Variants in PKN2 observed in about 807,000 individuals in gnomAD.
PKN2 encodes serine/threonine-protein kinase N2.
In PKN2, 38 loss-of-function variants were observed where a neutral mutation model predicts 119.1. That is an observed-to-expected ratio of 0.32 (90% confidence interval 0.25 to 0.42). The LOEUF is 0.42. Ranked by LOEUF, PKN2 falls within the 10% of genes least tolerant of loss-of-function variation. The pLI, the probability that PKN2 is intolerant of heterozygous loss-of-function variation, is 1.00. For synonymous variants in PKN2, 390 were observed against 384.9 expected, an observed-to-expected ratio of 1.01 and a Z score of -0.15; for missense variants, 850 against 1,165.1, an observed-to-expected ratio of 0.73 and a Z score of 3.94.
chr1:88,798,622 C>A (rs1226373443), intron 8 of PKN2, among the ~76,000 whole-genome samples: 1 of 151,788 alleles, frequency 6.6e-6, no homozygotes, highest in African/African-American at 2.4e-5. Flanking sequence ...GCCCAGAATA[C>A]AACACAAAAA....
chr1:88,835,411 G>A lies in PKN2; in HGVS notation c.*1963G>A, dbSNP rs975022025. The A allele has an allele frequency of 6.6e-6, 1 of 152,162 alleles. No individual in the cohort carries two copies. Among genetic ancestry groups the A allele is most frequent in the Admixed American group, 6.6e-5 (1 of 15,218 alleles). 9.4% of individuals were successfully genotyped at this position (152,162 alleles called of 1,614,324 possible). On this transcript the variant is annotated 3_prime_UTR_variant, in exon 22 of 22. Transcript: ENST00000370521. Reference sequence around the variant, plus strand: ...GCAAAGAAAGTAATGTCTAAAATAGGCTCTTAGCATTAAAAACTGACAGCA... The same window carrying A: ...GCAAAGAAAGTAATGTCTAAAATAGACTCTTAGCATTAAAAACTGACAGCA...
intron 6 of PKN2, among the ~76,000 whole-genome samples, chr1:88,783,252 A>G (rs1025226432): frequency 2.6e-5 from 4 of 152,210 alleles, no homozygotes; most frequent in Non-Finnish European, 4.4e-5. Flanking sequence ...AGTTCTTTCT[A>G]TGAACAGCTT....
intron 8 of PKN2, among the ~76,000 whole-genome samples, chr1:88,788,270 CAG>C (rs1266980717): frequency 6.6e-6 from 1 of 152,132 alleles, no homozygotes; most frequent in East Asian, 1.9e-4. Context: ...AGAATTGTCT[CAG>C]GACGCAACAC....
At chr1:88,745,198 A>G (rs528286654) in intron 2 of PKN2, among the ~76,000 whole-genome samples, 10 of 152,348 alleles carry the variant, frequency 6.6e-5, no homozygotes, top group African/African-American at 2.4e-4. Context: ...TTTTAAGATC[A>G]GGAACAAGAT....
At chr1:88,758,034 A>G (rs1332109716) in intron 2 of PKN2, among the ~76,000 whole-genome samples, 2 of 97,488 alleles carry the variant, frequency 2.1e-5, no homozygotes, top group South Asian at 4.3e-4. Context: ...GAGTGAGACT[A>G]TCTCAAAAAA....
chr1:88,774,639 G>A (rs1173156400), intron 6 of PKN2, among the ~76,000 whole-genome samples: 2 of 151,780 alleles, frequency 1.3e-5, no homozygotes, highest in Admixed American at 6.6e-5. Context: ...TTTTATGCAA[G>A]TGTTTATCTT....
intron 8 of PKN2, among the ~76,000 whole-genome samples, chr1:88,803,212 G>GT (rs1671398681): frequency 6.6e-6 from 1 of 151,988 alleles, no homozygotes; most frequent in Admixed American, 6.6e-5. Flanking sequence ...TTCTTTTCCT[G>GT]TTTGACTGTG....
chr1:88,737,612 A>C (rs1668406273), intron 1 of PKN2, among the ~76,000 whole-genome samples: 1 of 152,144 alleles, frequency 6.6e-6, no homozygotes, highest in African/African-American at 2.4e-5. Context: ...GCTTGAGGCT[A>C]CTGTAGATGC....
chr1:88,728,586 ATAAC>A (rs1667994427), intron 1 of PKN2, among the ~76,000 whole-genome samples: 2 of 152,152 alleles, frequency 1.3e-5, no homozygotes, highest in African/African-American at 4.8e-5. Flanking sequence ...AGATAACCAT[ATAAC>A]TACTGTACTT....
chr1:88,691,004 A>G (rs745381169), intron 1 of PKN2, among the ~76,000 whole-genome samples: 1 of 152,188 alleles, frequency 6.6e-6, no homozygotes, highest in Non-Finnish European at 1.5e-5. Context: ...TTTGGAATTT[A>G]TTTTTGATTA....
chr1:88,807,635 A>G (rs960602688), intron 14 of PKN2, 31 bp downstream of exon 14: 4 of 1,578,640 alleles, frequency 2.5e-6, no homozygotes, highest in Non-Finnish European at 3.5e-6. Context: ...TGGAATATCT[A>G]CAACATTAAT....
chr1:88,781,243 G>T (rs572088471), intron 6 of PKN2: 138 of 919,216 alleles, frequency 1.5e-4, no homozygotes, highest in Non-Finnish European at 2.0e-4. Flanking sequence ...TTTTGTGGTT[G>T]TATGATTATA....
chr1:88,815,511 TAAAAG>T (rs756706030), intron 16 of PKN2: 24 of 275,068 alleles, frequency 8.7e-5, no homozygotes, highest in East Asian at 1.4e-4. Flanking sequence ...TTATTTCACT[TAAAAG>T]AGAGGAGCAA....
At chr1:88,740,482 A>C (rs1187419372) in intron 1 of PKN2, among the ~76,000 whole-genome samples, 1 of 152,110 alleles carries the variant, frequency 6.6e-6, no homozygotes, top group Non-Finnish European at 1.5e-5. Context: ...GAATTTAATA[A>C]TACTTTTTAT....
chr1:88,824,341 A>G lies in PKN2; in HGVS notation c.2374A>G (p.Thr792Ala), dbSNP rs1425171956. 1.2e-6 allele frequency: 2 copies of G among 1,600,380 alleles called. No individual in the cohort carries two copies. Among genetic ancestry groups the G allele is most frequent in the South Asian group, 1.1e-5 (1 of 90,596 alleles). Residue 792 changes from threonine to alanine, a missense_variant, in exon 18 of 22, where the codon ACA becomes GCA. Transcript: ENST00000370521. ...DLKLDNLLLD[T>A]EGFVKIADFG... ...GAAATTGGATAACTTATTGCTAGAT[A>G]CAGAGGGCTTTGTGAAAATTGCTGA...
chr1:88,710,963 C>G (rs573049654), intron 1 of PKN2, among the ~76,000 whole-genome samples: 1 of 152,276 alleles, frequency 6.6e-6, no homozygotes, highest in South Asian at 2.1e-4. Context: ...GAATACTATG[C>G]AGCCATAAGA....
rs1672903094 is a variant in PKN2 at position 88,835,449 on chromosome 1, A to T, written c.*2001A>T. 1.3e-5 allele frequency: 2 copies of T among 151,552 alleles called. No homozygotes were observed. Among genetic ancestry groups the T allele is most frequent in the Admixed American group, 1.3e-4 (2 of 15,220 alleles). The allele number at this position is 151,552 out of a possible 1,614,324, so 9.4% of individuals were successfully genotyped here. A position where few individuals can be genotyped will look rare whatever the true frequency, so the allele number is the denominator to read the frequency against. On this transcript the variant is annotated 3_prime_UTR_variant, in exon 22 of 22. Coordinates refer to ENST00000370521, the MANE Select transcript of PKN2 (RefSeq NM_006256.4). Reference sequence around the variant, plus strand: ...AAAACTGACAGCATTTCGTAACTACACAGTGTACAGAATTTTTTTTTAATT... The same window carrying T: ...AAAACTGACAGCATTTCGTAACTACTCAGTGTACAGAATTTTTTTTTAATT...
In PKN2 at chr1:88,833,338, G is replaced by A; in HGVS notation, c.2845G>A (p.Glu949Lys). ...AGAAGATGTTAGTAATTTTGATGAT[G>A]AATTTACCTCAGAAGCACCTATTCT... ...GREDVSNFDD[E>K]FTSEAPILTP... The change falls in exon 22 of 22, where the codon GAA (glutamate) becomes AAA (lysine). Residue 949 changes from glutamate (E) to lysine (K), a missense_variant. By Grantham distance (56) the Glu-to-Lys change is moderately conservative (BLOSUM62 1). Around this residue, in one of 9 missense-constraint regions of PKN2, gnomAD observed 95 missense variants for 150.2 expected, o/e 0.63. Transcript: ENST00000370521. 6.2e-7 allele frequency: 1 copy of A among 1,613,382 alleles called. No homozygotes were observed. Among genetic ancestry groups the A allele is most frequent in the Non-Finnish European group, 8.5e-7 (1 of 1,179,424 alleles).
chr1:88,771,900 GT>G, intron 6 of PKN2, 21 bp downstream of exon 6: 1 of 1,510,910 alleles, frequency 6.6e-7, no homozygotes, highest in Non-Finnish European at 9.2e-7. Context: ...TATAGCCATT[GT>G]TTTTTGTGTG....
Sources: gnomAD v4.1 joint callset for allele counts (sites outside exome capture counted in the v4.1 genomes callset) on GRCh38, gnomAD v4.1.1 for gene constraint, gnomAD v4.1.1 regional missense constraint, MANE v1.5 for transcripts, NCBI Gene and HGNC (gene_info 2026-07-23, HGNC 2026-07-21) for gene names.